The following NPHP4 variants were observed in gnomAD, a reference collection of about 807,000 sequenced individuals.
NPHP4 encodes the protein nephrocystin 4.
Under a neutral mutation model 155.8 loss-of-function variants are expected in NPHP4, and 151 were observed. The observed-to-expected ratio is 0.97, with a 90% CI of 0.85 to 1.11. The LOEUF is 1.11. NPHP4 is among the 50% of genes least tolerant of loss of function. The pLI, the probability that NPHP4 is intolerant of heterozygous loss-of-function variation, is 0.00. For missense variants in NPHP4, 1,956 were observed against 1,925.7 expected (o/e 1.02, Z -0.29); for synonymous variants, 845 against 816.8 (o/e 1.03, Z -0.59).
rs748493815 is a variant in NPHP4, at chr1:5,868,000, C to G, written c.3316-104G>C. On this transcript the variant is annotated intron_variant, in intron 23 of 29. Transcript: ENST00000378156. The surrounding 1 kb of genome is among the most constrained non-coding windows in gnomAD (Gnocchi z 4.1). ...GTATCTCCACTGTTGCCAAGACCCC[C>G]TCACCCTCCACTGCCATGAGCGGGG... The G allele has an allele frequency of 1.6e-6, 2 of 1,259,622 alleles. No homozygotes were observed. Among genetic ancestry groups the G allele is most frequent in the South Asian group, 2.5e-5 (2 of 80,716 alleles). 78.0% of individuals were successfully genotyped at this position (1,259,622 alleles called of 1,614,324 possible). A position where few individuals can be genotyped will look rare whatever the true frequency, so the allele number is the denominator to read the frequency against.
Position 5,904,665 on chromosome 1 carries a change from G to A in NPHP4, c.2095C>T (p.Leu699=), listed in dbSNP as rs745467662. ...DEAGQPSSGA[L]THILVPVSRD... is the part of the protein sequence containing the mutation. ...CTCACAGGCACGAGGATGTGGGTCAGGGCGCCAGAGCTGGGCTGGCCGGCC... is the reference window on the plus strand; with the variant it reads ...CTCACAGGCACGAGGATGTGGGTCAAGGCGCCAGAGCTGGGCTGGCCGGCC... The change falls in exon 16 of 30, where the codon CTG becomes TTG. Residue 699 remains leucine, a synonymous_variant. Coordinates refer to ENST00000378156, the MANE Select transcript of NPHP4 (RefSeq NM_015102.5). 18 of 1,613,714 alleles carry A rather than the reference G, an allele frequency of 1.1e-5. No individual in the cohort carries two copies. Among genetic ancestry groups the A allele is most frequent in the Admixed American group, 3.3e-5 (2 of 59,992 alleles).
At chr1:5,945,165 A>C (rs1399822032) in intron 9 of NPHP4, among the ~76,000 whole-genome samples, 1 of 152,168 alleles carries the variant, frequency 6.6e-6, no homozygotes, top group Non-Finnish European at 1.5e-5. Flanking sequence ...TATTCTCTAG[A>C]AGACACTGAG....
chr1:5,980,011 C>T (rs1654391750), intron 2 of NPHP4, among the ~76,000 whole-genome samples: 1 of 152,124 alleles, frequency 6.6e-6, no homozygotes, highest in Non-Finnish European at 1.5e-5. Context: ...CCAGGAGTCC[C>T]ACCCTCTGCC....
intron 3 of NPHP4, among the ~76,000 whole-genome samples, chr1:5,975,592 G>A (rs888391385): frequency 2.6e-5 from 4 of 152,226 alleles, no homozygotes; most frequent in Non-Finnish European, 5.9e-5. Flanking sequence ...GCACCCAGAT[G>A]ACAGGCCAAG....
chr1:5,990,178 G>A (rs540138800), intron 1 of NPHP4, among the ~76,000 whole-genome samples: 167 of 152,258 alleles, frequency 1.1e-3, no homozygotes, highest in African/African-American at 3.8e-3. Context: ...TCCTCAGAGC[G>A]AGAGCCCCAT....
At position 5,864,008 on chromosome 1, in the gene NPHP4, C is replaced by A; in HGVS notation, c.4022G>T (p.Gly1341Val). The change falls in exon 29 of 30, where the codon GGC (glycine) becomes GTC (valine). Residue 1341 changes from glycine (G) to valine (V), a missense_variant. Coordinates refer to ENST00000378156, the MANE Select transcript of NPHP4 (RefSeq NM_015102.5). ...SKAFEIMLAA[G>V]EGKGVNKRIT... is the part of the protein sequence containing the mutation. ...CCTCTTGTTGACACCCTTCCCTTCG[C>A]CCGCAGCCAACATGATCTCAAAGGC... is the stretch of plus-strand genomic sequence containing the variant. 1.2e-6 allele frequency: 2 copies of A among 1,613,560 alleles called. No individual in the cohort carries two copies. The highest frequency in any genetic ancestry group is 1.7e-6 in the Non-Finnish European group (2 of 1,179,736).
Position 5,933,147 on chromosome 1 carries a change from C to A in NPHP4, c.1302G>T (p.Glu434Asp). 6.5e-7 allele frequency: 1 copy of A among 1,534,756 alleles called. No individual in the cohort carries two copies. Among genetic ancestry groups the A allele is most frequent in the Non-Finnish European group, 8.8e-7 (1 of 1,134,458 alleles). ...KVPSASMSSEEVKQVESGTLR... is the reference protein window; with the variant it reads ...KVPSASMSSEDVKQVESGTLR... The stretch of plus-strand genomic sequence containing the variant: ...GCATAAGAAATACCTAATAATTTAC[C>A]TCTTCAGAGCTCATGCTGGCTGAGG... Residue 434 changes from glutamate (E) to aspartate (D), a missense_variant and splice_region_variant, in exon 10 of 30, where the codon GAG becomes GAT. Glu to Asp is a conservative substitution (Grantham distance 45). Transcript: ENST00000378156.
At chr1:5,884,061 T>G (rs1307575916) in intron 18 of NPHP4, among the ~76,000 whole-genome samples, 1 of 152,162 alleles carries the variant, frequency 6.6e-6, no homozygotes, top group Non-Finnish European at 1.5e-5. Context: ...TACACTTGCA[T>G]GCTCACTCAA....
rs368118106 is a variant in NPHP4, at chr1:5,986,173, G to A, written c.117C>T (p.Asp39=). The change falls in exon 2 of 30, where the codon GAC becomes GAT. Residue 39 remains aspartate, a synonymous_variant. Transcript: ENST00000378156. ...TAFQCVLKWL[D]GPVIRQGVLE... is the part of the protein sequence containing the mutation. The stretch of plus-strand genomic sequence containing the variant: ...TTGTTACCTGCCTAATTACCGGTCC[G>A]TCCAGCCACTTGAGGACACACTGGA... The A allele has an allele frequency of 2.7e-4, 437 of 1,613,788 alleles. 1 individual carries two copies. Among genetic ancestry groups the A allele is most frequent in the African/African-American group, 8.7e-4 (65 of 75,000 alleles).
At chr1:5,935,629 C>CT (rs199542017) in intron 9 of NPHP4, among the ~76,000 whole-genome samples, 4,403 of 152,294 alleles carry the variant, frequency 0.029, 194 homozygotes, top group African/African-American at 0.097. Flanking sequence ...AATCCCAGCA[C>CT]TTTGGGAGGT....
intron 18 of NPHP4, among the ~76,000 whole-genome samples, chr1:5,883,757 C>T (rs1048793541): frequency 4.6e-5 from 7 of 152,198 alleles, no homozygotes; most frequent in East Asian, 3.9e-4. Context: ...GAATCGCAGA[C>T]GAGGCCTCTG....
chr1:5,874,433 A>G (rs746149870), intron 22 of NPHP4, 38 bp downstream of exon 22: 7 of 1,475,854 alleles, frequency 4.7e-6, no homozygotes, highest in East Asian at 2.5e-5. Flanking sequence ...CACCGTCATC[A>G]GCCAAATGCA....
At position 5,888,442 on chromosome 1, in the gene NPHP4, G is replaced by T. The variant is rs1643932435; in HGVS notation, c.2305-976C>A. 18 of 1,127,878 alleles carry T rather than the reference G, an allele frequency of 1.6e-5. No individual in the cohort carries two copies. The South Asian group carries it at 2.9e-4, about 18-fold the overall frequency. The allele number at this position is 1,127,878 out of a possible 1,614,324, so 69.9% of individuals were successfully genotyped here. A position where few individuals can be genotyped will look rare whatever the true frequency, so the allele number is the denominator to read the frequency against. On this transcript the variant is annotated intron_variant, in intron 17 of 29. Coordinates refer to ENST00000378156, the MANE Select transcript of NPHP4 (RefSeq NM_015102.5). ...TACAGCAACAAAAGTGCCTGTCTCT[G>T]GGAGTGAGACGCCAGACCTGACCCT...
chr1:5,955,973 C>T (rs904448661), intron 6 of NPHP4, among the ~76,000 whole-genome samples: 4 of 148,236 alleles, frequency 2.7e-5, no homozygotes, highest in Admixed American at 6.9e-5. Context: ...ACAACACATA[C>T]GTGTACTGAA....
intron 12 of NPHP4, among the ~76,000 whole-genome samples, chr1:5,908,456 G>A (rs1188907902): frequency 1.3e-5 from 2 of 152,236 alleles, no homozygotes; most frequent in African/African-American, 4.8e-5. Flanking sequence ...GGCAGACAAA[G>A]TCATCAGCAG....
chr1:5,863,825 C>G (rs1410352155), intron 29 of NPHP4, 65 bp downstream of exon 29: 3 of 1,551,360 alleles, frequency 1.9e-6, no homozygotes, highest in Middle Eastern at 4.2e-4. Flanking sequence ...TAAATGCAGG[C>G]TAACTGCCCT....
chr1:5,864,305 T>A (rs1314882632), intron 28 of NPHP4, 33 bp downstream of exon 28: 1 of 1,557,058 alleles, frequency 6.4e-7, no homozygotes, highest in Non-Finnish European at 8.7e-7. Context: ...TGAGCCCCCA[T>A]CCCCTCAGCC....
intron 2 of NPHP4, among the ~76,000 whole-genome samples, chr1:5,984,746 C>T (rs982244937): frequency 6.6e-6 from 1 of 152,118 alleles, no homozygotes; most frequent in Non-Finnish European, 1.5e-5. Context: ...CTTTGAACTA[C>T]GTGCATTACC....
chr1:5,951,623 T>C (rs966178255), intron 7 of NPHP4, among the ~76,000 whole-genome samples: 4 of 152,362 alleles, frequency 2.6e-5, no homozygotes, highest in African/African-American at 9.6e-5. Flanking sequence ...CCCCTGCTGC[T>C]GGCGACAGAA....
Sources: gnomAD v4.1 joint callset for allele counts (sites outside exome capture counted in the v4.1 genomes callset) on GRCh38, gnomAD v4.1.1 for gene constraint, Gnocchi (gnomAD v3.1) non-coding constraint, MANE v1.5 for transcripts, NCBI Gene and HGNC (gene_info 2026-07-23, HGNC 2026-07-21) for gene names.